TRIM37: variants seen among roughly 807,000 people sequenced by gnomAD.
The protein encoded by TRIM37 is tripartite motif containing 37.
In TRIM37, 80 loss-of-function variants were observed where a neutral mutation model predicts 129.8. The ratio of observed to expected loss-of-function variants is 0.62; its 90% CI spans 0.51 to 0.74. TRIM37 has a LOEUF of 0.74. TRIM37 is among the 30% of genes least tolerant of loss of function. The pLI, the probability that TRIM37 is intolerant of heterozygous loss-of-function variation, is 0.00. For synonymous variants in TRIM37, 389 were observed against 387.1 expected, an observed-to-expected ratio of 1.00 and a Z score of -0.06; for missense variants, 1,054 against 1,176.5, an observed-to-expected ratio of 0.90 and a Z score of 1.52.
At chr17:59,019,875 C>T (rs992800850) in intron 19 of TRIM37, among the ~76,000 whole-genome samples, 10 of 151,910 alleles carry the variant, frequency 6.6e-5, no homozygotes, top group East Asian at 3.9e-4. Context: ...TCTAGACTTA[C>T]GAAAAATGAT....
At position 59,041,024 on chromosome 17, in the gene TRIM37, A is replaced by G. The variant is rs1007449734; in HGVS notation, c.1753+789T>C. Among the ~76,000 whole-genome samples, 22 of 151,842 alleles carry G rather than the reference A, an allele frequency of 1.4e-4. 1 individual carries two copies. In the East Asian group the frequency reaches 2.5e-3, roughly 17 times the overall value. On this transcript the variant is annotated intron_variant, in intron 17 of 23. Coordinates refer to ENST00000262294, the MANE Select transcript of TRIM37 (RefSeq NM_015294.6). The stretch of plus-strand genomic sequence containing the variant: ...TTGCGCCACTGCAGTCCGCAGTCCG[A>G]CCTGGGCGACAGAGCGAGACTCCGT...
chr17:59,045,799 G>A (rs1284864970), intron 16 of TRIM37, among the ~76,000 whole-genome samples: 4 of 151,904 alleles, frequency 2.6e-5, no homozygotes, highest in African/African-American at 9.7e-5. Context: ...CAGATCACCT[G>A]AAGTCAGGAG....
At chr17:59,096,364 C>A (rs970705883) in intron 2 of TRIM37, among the ~76,000 whole-genome samples, 2 of 151,706 alleles carry the variant, frequency 1.3e-5, no homozygotes, top group African/African-American at 4.8e-5. Context: ...CCAGCCTGGC[C>A]AACATGGTGA....
intron 19 of TRIM37, among the ~76,000 whole-genome samples, chr17:59,025,424 AATT>A (rs1400220872): frequency 7.3e-5 from 11 of 151,446 alleles, no homozygotes; most frequent in African/African-American, 2.7e-4. Context: ...CATGAATGTT[AATT>A]ATATTATTAA....
chr17:59,052,772 TG>T (rs1208020382), intron 13 of TRIM37, among the ~76,000 whole-genome samples: 1 of 152,040 alleles, frequency 6.6e-6, no homozygotes, highest in African/African-American at 2.4e-5. Context: ...GTGGCCAACA[TG>T]GTGAAACCCC....
At chr17:58,975,489 TAAAC>T in the TRIM37 span, among the ~76,000 whole-genome samples, 2 of 152,154 alleles carry the variant, frequency 1.3e-5, no homozygotes, top group African/African-American at 4.8e-5. Context: ...TAATAAAAAA[TAAAC>T]AATCTAAGAG....
At chr17:59,071,558 T>C (rs962277411) in intron 8 of TRIM37, among the ~76,000 whole-genome samples, 5 of 152,164 alleles carry the variant, frequency 3.3e-5, no homozygotes, top group Non-Finnish European at 5.9e-5. Flanking sequence ...GTGCTGGGAT[T>C]ACATGCGTGA....
chr17:58,990,396 C>T (rs998757156), intron 24 of TRIM37, among the ~76,000 whole-genome samples: 1 of 151,344 alleles, frequency 6.6e-6, no homozygotes, highest in Non-Finnish European at 1.5e-5. Context: ...GAGGCTGAGA[C>T]ACAAGAATCG....
At chr17:59,006,958 AG>A (rs1351261676) in intron 22 of TRIM37, among the ~76,000 whole-genome samples, 9 of 152,058 alleles carry the variant, frequency 5.9e-5, no homozygotes, top group African/African-American at 2.2e-4. Flanking sequence ...CTGACGAGAT[AG>A]AAGAGGAAGT....
chr17:59,081,943 A>T (rs1010497277), intron 5 of TRIM37, among the ~76,000 whole-genome samples: 3 of 115,370 alleles, frequency 2.6e-5, no homozygotes, highest in African/African-American at 3.8e-5. Flanking sequence ...AAACCAAAAA[A>T]AAAAAAAAAT....
intron 1 of TRIM37, among the ~76,000 whole-genome samples, chr17:59,104,917 C>A (rs539000759): frequency 6.6e-6 from 1 of 151,996 alleles, no homozygotes; most frequent in African/African-American, 2.4e-5. Context: ...AATGGTTAAA[C>A]CCCGTCTCTA....
At chr17:59,031,585 G>A (rs1350675047) in intron 18 of TRIM37, among the ~76,000 whole-genome samples, 1 of 152,168 alleles carries the variant, frequency 6.6e-6, no homozygotes, top group Non-Finnish European at 1.5e-5. Context: ...AATTCATGAA[G>A]CCTGACCAAA....
chr17:59,003,637 A>G (rs1318303423), intron 22 of TRIM37, among the ~76,000 whole-genome samples: 1 of 145,512 alleles, frequency 6.9e-6, no homozygotes, highest in Non-Finnish European at 1.5e-5. Flanking sequence ...CAAGACCCAG[A>G]GTCTTATTAA....
At chr17:59,016,196 C>T (rs985802449) in intron 20 of TRIM37, among the ~76,000 whole-genome samples, 2 of 151,760 alleles carry the variant, frequency 1.3e-5, no homozygotes, top group African/African-American at 4.8e-5. Context: ...GAGTTCAAGA[C>T]CAGCCTGGCC....
chr17:59,020,162 C>T (rs1372285860), intron 19 of TRIM37, among the ~76,000 whole-genome samples: 13 of 125,614 alleles, frequency 1.0e-4, no homozygotes, highest in Admixed American at 3.3e-4. Flanking sequence ...GCCCAAGAGA[C>T]GGAGGTTGCA....
chr17:59,085,943 G>A (rs2043711817), intron 4 of TRIM37, among the ~76,000 whole-genome samples: 1 of 152,042 alleles, frequency 6.6e-6, no homozygotes, highest in East Asian at 1.9e-4. Flanking sequence ...AAAAAGAGAG[G>A]TACTGTATGG....
chr17:59,012,817 A>C (rs1384623246), intron 21 of TRIM37, among the ~76,000 whole-genome samples: 5 of 151,878 alleles, frequency 3.3e-5, no homozygotes, highest in African/African-American at 9.7e-5. Flanking sequence ...TGGAGGTTGC[A>C]GTGAGCCGAG....
intron 4 of TRIM37, among the ~76,000 whole-genome samples, chr17:59,087,131 C>T (rs192126419): frequency 4.6e-5 from 7 of 152,150 alleles, no homozygotes; most frequent in East Asian, 1.9e-4. Context: ...GAGTCTCGCT[C>T]GTTACCCAGG....
chr17:58,982,785 G>T, exon 25 of TRIM37: 1 of 764,358 alleles, frequency 1.3e-6, no homozygotes, highest in Non-Finnish European at 2.1e-6. Flanking sequence ...AGTCAACATG[G>T]CCCCAACTAT....
Sources: allele counts gnomAD v4.1 joint callset (sites outside exome capture counted in the v4.1 genomes callset), GRCh38; gene constraint gnomAD v4.1.1; transcripts MANE v1.5; gene names NCBI Gene and HGNC (gene_info 2026-07-23, HGNC 2026-07-21).